The following DAPK2 variants were observed in gnomAD, a reference collection of about 807,000 sequenced individuals.
DAPK2 encodes death-associated protein kinase 2.
A neutral mutation model predicts 44.1 loss-of-function variants in DAPK2; 35 were observed. The observed-to-expected ratio is 0.79, with a 90% CI of 0.61 to 1.05. The LOEUF is 1.05. Among genes scored for constraint, DAPK2 ranks in the 50% least tolerant of loss-of-function variants. The probability of loss-of-function intolerance (pLI) is 0.00; values close to 1 mark genes in which losing one functional copy is unlikely to be tolerated. For missense variants in DAPK2, 453 were observed against 483.2 expected (o/e 0.94, Z 0.59); for synonymous variants, 174 against 182.6 (o/e 0.95, Z 0.38).
At chr15:63,936,577 C>G (rs371924415) in intron 4 of DAPK2, among the ~76,000 whole-genome samples, 1 of 152,084 alleles carries the variant, frequency 6.6e-6, no homozygotes, top group South Asian at 2.1e-4. Flanking sequence ...CACCACTGCA[C>G]TCCATGGGTG....
chr15:64,007,108 C>T (rs961937856), intron 1 of DAPK2, among the ~76,000 whole-genome samples: 2 of 151,888 alleles, frequency 1.3e-5, no homozygotes, highest in African/African-American at 4.8e-5. Context: ...CAAATGTGTG[C>T]CAACCTCTCC....
chr15:63,992,529 A>C (rs1041009345), intron 1 of DAPK2, among the ~76,000 whole-genome samples: 4 of 152,248 alleles, frequency 2.6e-5, no homozygotes, highest in Admixed American at 1.3e-4. Context: ...ACGCAGATGA[A>C]AAGGAAATAT....
intron 3 of DAPK2, among the ~76,000 whole-genome samples, chr15:63,957,623 T>C (rs2077764055): frequency 6.6e-6 from 1 of 151,444 alleles, no homozygotes; most frequent in Admixed American, 6.6e-5. Context: ...TTTCTGTCCT[T>C]GCGATAGTTT....
intron 4 of DAPK2, among the ~76,000 whole-genome samples, chr15:63,936,304 T>C (rs968031978): frequency 1.3e-5 from 2 of 152,132 alleles, no homozygotes; most frequent in Non-Finnish European, 2.9e-5. Context: ...GGAGTTACTA[T>C]GTTTAAAGAT....
rs531106584 is a variant in DAPK2, at chr15:63,996,357, C to A, written c.93-12603G>T. Among the ~76,000 whole-genome samples the A allele has an allele frequency of 1.3e-3, 205 of 152,300 alleles. 2 individuals are homozygous for A. Among genetic ancestry groups the A allele is most frequent in the Middle Eastern group, 3.4e-3 (1 of 294 alleles). The stretch of plus-strand genomic sequence containing the variant: ...ACTCAGCAGGCTGAGGTGGGAGGAT[C>A]ATTTCAGCTTAGGAACAAGAGACTG... On this transcript the variant is annotated intron_variant, in intron 1 of 10. Transcript: ENST00000261891.
At chr15:63,913,591 A>T (rs1479759620) in intron 8 of DAPK2, among the ~76,000 whole-genome samples, 2 of 152,174 alleles carry the variant, frequency 1.3e-5, no homozygotes, top group African/African-American at 2.4e-5. Context: ...ATTGATTCCC[A>T]GGCGTGGGTC....
chr15:64,023,123 T>A (rs916728272), intron 1 of DAPK2, among the ~76,000 whole-genome samples: 11 of 152,170 alleles, frequency 7.2e-5, no homozygotes, highest in Admixed American at 2.0e-4. Flanking sequence ...CTTCTCTTTG[T>A]CAAGGGGCGA....
chr15:63,942,379 C>A (rs533874233), intron 3 of DAPK2: 1 of 215,818 alleles, frequency 4.6e-6, no homozygotes, highest in South Asian at 1.6e-4. Flanking sequence ...TGGTGAAACC[C>A]CATCTCTACT....
intron 1 of DAPK2, among the ~76,000 whole-genome samples, chr15:64,029,498 G>A (rs332239): frequency 0.82 from 125,127 of 152,038 alleles, 51,811 homozygotes; most frequent in East Asian, 0.92. Context: ...ACCCTGCCGC[G>A]CCCAGGGTGA....
At chr15:63,971,029 G>A (rs1466838355) in intron 3 of DAPK2, among the ~76,000 whole-genome samples, 1 of 152,188 alleles carries the variant, frequency 6.6e-6, no homozygotes, top group African/African-American at 2.4e-5. Flanking sequence ...TGGGTCTGGC[G>A]AGCCAGCCAA....
intron 1 of DAPK2, among the ~76,000 whole-genome samples, chr15:64,026,112 G>A (rs374074635): frequency 5.3e-5 from 8 of 152,194 alleles, no homozygotes; most frequent in South Asian, 2.1e-4. Context: ...GAGAAGAGAG[G>A]CTGGCGGCTG....
At chr15:63,983,507 C>A in intron 2 of DAPK2, 26 bp downstream of exon 3, 1 of 1,607,616 alleles carries the variant, frequency 6.2e-7, no homozygotes, top group Non-Finnish European at 8.5e-7. Context: ...CCCCCCAACC[C>A]TGTGGGTCCT....
rs550684820 is a variant in DAPK2 at position 63,987,303 on chromosome 15, A to G, written c.93-3549T>C. ...CTCTGCAGCCAGAAGTTGAGGTCCCACAGTGCAGAAGTCGCCAGCTAGGCT... is the reference window on the plus strand; with the variant it reads ...CTCTGCAGCCAGAAGTTGAGGTCCCGCAGTGCAGAAGTCGCCAGCTAGGCT... On this transcript the variant is annotated intron_variant, in intron 1 of 10. Transcript: ENST00000261891. Among the ~76,000 whole-genome samples the G allele has an allele frequency of 2.6e-5, 4 of 152,316 alleles. No homozygotes were observed. In the South Asian group the frequency reaches 6.2e-4, roughly 24 times the overall value.
intron 3 of DAPK2, among the ~76,000 whole-genome samples, chr15:63,943,113 C>A (rs76771765): frequency 2.3e-4 from 34 of 145,084 alleles, no homozygotes; most frequent in South Asian, 4.3e-4. Flanking sequence ...ATTCCTTTTG[C>A]AAAAAAAAAA....
intron 3 of DAPK2, among the ~76,000 whole-genome samples, chr15:63,953,661 T>C (rs570105477): frequency 6.6e-5 from 10 of 152,340 alleles, no homozygotes; most frequent in East Asian, 1.9e-4. Context: ...TGGATCGTTA[T>C]GTTAGTTCTA....
At chr15:63,965,371 G>C (rs1285046182) in intron 3 of DAPK2, among the ~76,000 whole-genome samples, 4 of 152,230 alleles carry the variant, frequency 2.6e-5, no homozygotes, top group African/African-American at 9.6e-5. Flanking sequence ...AAGCACTCCT[G>C]TGGCCATCAC....
At chr15:63,937,986 C>T (rs969417268) in intron 4 of DAPK2, among the ~76,000 whole-genome samples, 3 of 152,164 alleles carry the variant, frequency 2.0e-5, no homozygotes, top group Non-Finnish European at 2.9e-5. Flanking sequence ...CCCCATACAT[C>T]ACCTAATATC....
At chr15:63,983,660 G>C (rs200808263) in exon 2 of DAPK2, 1 of 1,613,860 alleles carries the variant, frequency 6.2e-7, no homozygotes, top group East Asian at 2.2e-5. Context: ...ACACCGCGCC[G>C]GCTCGCCCGG....
In DAPK2 at chr15:63,990,797, C is replaced by T. The variant is rs2078797120; in HGVS notation, c.93-7043G>A. On this transcript the variant is annotated intron_variant, in intron 1 of 10. Coordinates refer to ENST00000261891, the Ensembl canonical transcript of DAPK2. This position sits in a 1 kb window ranked among gnomAD's most constrained non-coding sequence, Gnocchi z 4.3. Reference sequence around the variant, plus strand: ...GGGATAATGCTTAGGAACTTCCAGCCAAGGACCTTCAGCCAATGTGTCTCA... The same window carrying T: ...GGGATAATGCTTAGGAACTTCCAGCTAAGGACCTTCAGCCAATGTGTCTCA... Among the ~76,000 whole-genome samples the T allele has an allele frequency of 6.6e-6, 1 of 152,200 alleles. No homozygotes were observed. Among genetic ancestry groups the T allele is most frequent in the African/African-American group, 2.4e-5 (1 of 41,448 alleles).
Sources: allele counts gnomAD v4.1 joint callset (sites outside exome capture counted in the v4.1 genomes callset), GRCh38; gene constraint gnomAD v4.1.1; non-coding constraint Gnocchi (gnomAD v3.1); transcripts MANE v1.5; gene names NCBI Gene and HGNC (gene_info 2026-07-23, HGNC 2026-07-21).